Variants in VIT observed in about 807,000 individuals in gnomAD.
VIT encodes vitrin.
VIT carries 99 observed loss-of-function variants against 78.0 expected under a neutral mutation model. The observed-to-expected ratio is 1.27, with a 90% CI of 1.08 to 1.50. VIT has a LOEUF of 1.50. Ranked by LOEUF, VIT falls within the 40% of genes most tolerant of loss-of-function variation. The pLI is 0.00. For synonymous variants in VIT, 374 were observed against 334.3 expected (o/e 1.12, Z -1.29); for missense variants, 1,126 against 875.3 (o/e 1.29, Z -3.61).
chr2:36,803,374 T>A (rs553934110), intron 13 of VIT, among the ~76,000 whole-genome samples: 21 of 152,212 alleles, frequency 1.4e-4, no homozygotes, highest in Non-Finnish European at 2.8e-4. Context: ...AGTTTTCTGA[T>A]TTCCAGCCTC....
chr2:36,754,682 T>C (rs1467607860), intron 4 of VIT, among the ~76,000 whole-genome samples: 1 of 152,186 alleles, frequency 6.6e-6, no homozygotes, highest in Non-Finnish European at 1.5e-5. Context: ...AAGAAATCCC[T>C]GACAGAACAA....
chr2:36,800,082 C>T (rs1030540881), intron 12 of VIT, among the ~76,000 whole-genome samples: 2 of 149,940 alleles, frequency 1.3e-5, no homozygotes, highest in African/African-American at 4.9e-5. Flanking sequence ...CACGGTGGCT[C>T]ACGCCTGTAA....
intron 9 of VIT, among the ~76,000 whole-genome samples, chr2:36,777,752 G>A (rs761477468): frequency 2.0e-5 from 3 of 152,074 alleles, no homozygotes; most frequent in Admixed American, 1.3e-4. Flanking sequence ...TCGTTTAGTC[G>A]GCTGCAATCT....
At position 36,767,113 on chromosome 2, in the gene VIT, T is replaced by C; in HGVS notation, c.507T>C (p.Tyr169=). 1 of 1,603,822 alleles carries C rather than the reference T, an allele frequency of 6.2e-7. No individual in the cohort carries two copies. Among genetic ancestry groups the C allele is most frequent in the Non-Finnish European group, 8.5e-7 (1 of 1,175,622 alleles). Reference sequence around the variant, plus strand: ...TTACAGGTGAGACCACAAAAGCCTATCAGAGGCCACCTATTCCAGGGACAA... The same window carrying C: ...TTACAGGTGAGACCACAAAAGCCTACCAGAGGCCACCTATTCCAGGGACAA... ...AAQAGETTKA[Y]QRPPIPGTTA... The change falls in exon 7 of 16, where the codon TAT becomes TAC. Residue 169 remains tyrosine, a synonymous_variant. Coordinates refer to ENST00000379242, the MANE Select transcript of VIT (RefSeq NM_053276.4).
intron 15 of VIT, among the ~76,000 whole-genome samples, chr2:36,813,336 C>G (rs1447849723): frequency 6.6e-6 from 1 of 152,020 alleles, no homozygotes. Context: ...GTAATCCTAG[C>G]TACTCGGGAG....
chr2:36,785,076 G>A (rs1665003213), intron 11 of VIT, among the ~76,000 whole-genome samples: 1 of 152,218 alleles, frequency 6.6e-6, no homozygotes. Context: ...CAAAATAGAT[G>A]CTACAATATC....
At chr2:36,781,167 G>T (rs983491387) in intron 9 of VIT, among the ~76,000 whole-genome samples, 4 of 152,204 alleles carry the variant, frequency 2.6e-5, no homozygotes, top group African/African-American at 9.7e-5. Flanking sequence ...GGCCATATTT[G>T]TTCAGTGTAG....
At chr2:36,740,660 G>A (rs1327611549) in intron 3 of VIT, among the ~76,000 whole-genome samples, 2 of 152,032 alleles carry the variant, frequency 1.3e-5, no homozygotes, top group African/African-American at 4.8e-5. Flanking sequence ...ATCTGGTTAG[G>A]TGCAGATAAA....
At chr2:36,803,727 G>A (rs150597999) in intron 13 of VIT, among the ~76,000 whole-genome samples, 1 of 152,304 alleles carries the variant, frequency 6.6e-6, no homozygotes, top group African/African-American at 2.4e-5. Context: ...CCAGCTAGTG[G>A]AGACAGGATG....
chr2:36,737,605 G>T (rs911151579), intron 3 of VIT, among the ~76,000 whole-genome samples: 1 of 152,172 alleles, frequency 6.6e-6, no homozygotes, highest in African/African-American at 2.4e-5. Context: ...GGCATGGAAA[G>T]ATTTTTGCAA....
In VIT at chr2:36,702,574, T is replaced by G. The variant is rs139978485; in HGVS notation, c.-19+5601T>G. 6.8e-4 allele frequency among the ~76,000 whole-genome samples: 104 copies of G among 152,304 alleles called. 1 individual carries two copies. The highest frequency in any genetic ancestry group is 2.4e-3 in the African/African-American group (99 of 41,574). On this transcript the variant is annotated intron_variant, in intron 1 of 15. Coordinates refer to ENST00000379242, the MANE Select transcript of VIT (RefSeq NM_053276.4). Reference sequence around the variant, plus strand: ...TGCTTTCTGCAGTGGAAAGGGGGCATGATTGAATTTTCTTTCTCTGCCTTG... The same window carrying G: ...TGCTTTCTGCAGTGGAAAGGGGGCAGGATTGAATTTTCTTTCTCTGCCTTG...
chr2:36,733,800 C>T (rs1249091428), intron 3 of VIT, among the ~76,000 whole-genome samples: 6 of 152,168 alleles, frequency 3.9e-5, no homozygotes, highest in African/African-American at 9.7e-5. Context: ...TTATGTCTTA[C>T]GTCTTTTAGA....
chr2:36,707,824 C>G (rs1665530081), intron 1 of VIT, among the ~76,000 whole-genome samples: 1 of 150,602 alleles, frequency 6.6e-6, no homozygotes. Flanking sequence ...CCTTCCTTAC[C>G]TACTTGGCTC....
intron 13 of VIT, among the ~76,000 whole-genome samples, chr2:36,802,593 G>C (rs962166875): frequency 6.6e-6 from 1 of 152,194 alleles, no homozygotes; most frequent in African/African-American, 2.4e-5. Flanking sequence ...TGCCCCCAAA[G>C]CAGTATTACC....
At chr2:36,769,033 T>C (rs1470841351) in intron 7 of VIT, among the ~76,000 whole-genome samples, 1 of 152,228 alleles carries the variant, frequency 6.6e-6, no homozygotes, top group Non-Finnish European at 1.5e-5. Context: ...TGTTCCTGTT[T>C]AACTCAGGAT....
At position 36,805,432 on chromosome 2, in the gene VIT, T is replaced by G. The variant is rs1413962079; in HGVS notation, c.1163-6T>G. 6.3e-7 allele frequency: 1 copy of G among 1,593,678 alleles called. No homozygotes were observed. Among genetic ancestry groups the G allele is most frequent in the South Asian group, 1.1e-5 (1 of 87,324 alleles). ...ACTCCAAGCATGAATTTTCTTTTTC[T>G]TCCAGGTCGGGCCATCTCCTTTGTG... is the stretch of plus-strand genomic sequence containing the variant. On this transcript the variant is annotated splice_polypyrimidine_tract_variant and splice_region_variant and intron_variant, in intron 13 of 15. Coordinates refer to ENST00000379242, the MANE Select transcript of VIT (RefSeq NM_053276.4).
intron 15 of VIT, among the ~76,000 whole-genome samples, chr2:36,811,775 C>A (rs745609828): frequency 1.3e-5 from 2 of 151,156 alleles, no homozygotes; most frequent in Non-Finnish European, 2.9e-5. Context: ...TGGGTTCAGG[C>A]GATTCTCCTG....
Position 36,783,348 on chromosome 2 carries a change from C to G in VIT, c.856C>G (p.Pro286Ala). 1 of 1,614,034 alleles carries G rather than the reference C, an allele frequency of 6.2e-7. No homozygotes were observed. The highest frequency in any genetic ancestry group is 1.3e-5 in the African/African-American group (1 of 75,024). The change falls in exon 11 of 16, where the codon CCA (proline) becomes GCA (alanine). Residue 286 changes from proline (P) to alanine (A), a missense_variant. Physicochemically the swap from Pro to Ala is conservative, Grantham distance 27 (BLOSUM62 -1). Transcript: ENST00000379242. ...GSVLLDEGLVPKEELSTQSLE... is the reference protein window; with the variant it reads ...GSVLLDEGLVAKEELSTQSLE... ...TTTACTGCTCTTTCCAGGACTTGTT[C>G]CAAAAGAAGAATTGAGCACACAGTC...
Position 36,759,064 on chromosome 2 carries a change from A to G in VIT, c.487+18A>G. On this transcript the variant is annotated intron_variant, in intron 6 of 15. Coordinates refer to ENST00000379242, the MANE Select transcript of VIT (RefSeq NM_053276.4). ...CCAAGCAGGCAAGTGCTCACGTGTG[A>G]TTGAATCTAAACCTTCTGAGTCCAT... The G allele has an allele frequency of 2.5e-6, 4 of 1,614,140 alleles. No individual in the cohort carries two copies. Among genetic ancestry groups the G allele is most frequent in the Non-Finnish European group, 3.4e-6 (4 of 1,180,036 alleles).
Sources: allele counts gnomAD v4.1 joint callset (sites outside exome capture counted in the v4.1 genomes callset), GRCh38; gene constraint gnomAD v4.1.1; transcripts MANE v1.5; gene names NCBI Gene and HGNC (gene_info 2026-07-23, HGNC 2026-07-21).